Variants in ANKRD30B observed in about 807,000 individuals in gnomAD.
ANKRD30B encodes the protein ankyrin repeat domain 30B.
Under a neutral mutation model 202.2 loss-of-function variants are expected in ANKRD30B, and 144 were observed. The ratio of observed to expected loss-of-function variants is 0.71; its 90% CI spans 0.62 to 0.82. ANKRD30B has a LOEUF of 0.82. ANKRD30B is among the 40% of genes least tolerant of loss of function. The pLI is 0.00. For missense variants in ANKRD30B, 1,487 were observed against 1,669.1 expected, an observed-to-expected ratio of 0.89 and a Z score of 1.90; for synonymous variants, 508 against 561.3, an observed-to-expected ratio of 0.91 and a Z score of 1.34.
intron 32 of ANKRD30B, among the ~76,000 whole-genome samples, chr18:14,827,650 C>T (rs529718895): frequency 6.6e-6 from 1 of 152,256 alleles, no homozygotes; most frequent in Non-Finnish European, 1.5e-5. Flanking sequence ...TTTCTTTCTA[C>T]ACATACAGCA....
At chr18:14,923,795 C>T in the ANKRD30B span, among the ~76,000 whole-genome samples, 1 of 152,304 alleles carries the variant, frequency 6.6e-6, no homozygotes, top group South Asian at 2.1e-4. Flanking sequence ...GTTCTCTTTC[C>T]TTACTTTCTT....
rs942096414 is a variant in ANKRD30B at position 14,783,269 on chromosome 18, A to G, written c.1570+655A>G. 4.9e-4 allele frequency among the ~76,000 whole-genome samples: 74 copies of G among 152,176 alleles called. 3 individuals carry two copies. The highest frequency in any genetic ancestry group is 1.5e-4 in the Non-Finnish European group (10 of 67,990). On this transcript the variant is annotated intron_variant, in intron 12 of 43. Transcript: ENST00000690538. The stretch of plus-strand genomic sequence containing the variant: ...AAAATCAGCTGAATACCTTGGTAAT[A>G]CACAGTATCATTCAGCACAATTGAG...
At chr18:14,837,325 G>T (rs1422940243) in intron 35 of ANKRD30B, 36 bp downstream of exon 35, 1 of 1,475,034 alleles carries the variant, frequency 6.8e-7, no homozygotes, top group Admixed American at 2.1e-5. Flanking sequence ...CAAAATAATA[G>T]AAATGGTAAA....
At chr18:14,768,811 C>T (rs754992682) in intron 7 of ANKRD30B, among the ~76,000 whole-genome samples, 28 of 152,204 alleles carry the variant, frequency 1.8e-4, no homozygotes, top group Non-Finnish European at 3.8e-4. Context: ...ACACTGTCCA[C>T]TTACACTAAT....
intron 7 of ANKRD30B, among the ~76,000 whole-genome samples, chr18:14,768,770 A>AT (rs1916647280): frequency 6.6e-6 from 1 of 152,080 alleles, no homozygotes; most frequent in East Asian, 1.9e-4. Flanking sequence ...CTCTTAGTTC[A>AT]TTTTTCTAGA....
intron 39 of ANKRD30B, among the ~76,000 whole-genome samples, chr18:14,843,859 T>A (rs1022068786): frequency 3.9e-5 from 6 of 152,184 alleles, no homozygotes; most frequent in Admixed American, 6.5e-5. Flanking sequence ...TTCTTTATGA[T>A]CATTTTGGTA....
At chr18:14,912,789 T>G in the ANKRD30B span, among the ~76,000 whole-genome samples, 1 of 152,236 alleles carries the variant, frequency 6.6e-6, no homozygotes, top group Non-Finnish European at 1.5e-5. Flanking sequence ...TTCCATAAAA[T>G]TACTCATCAT....
chr18:14,940,085 C>T, the ANKRD30B span, among the ~76,000 whole-genome samples: 3 of 152,148 alleles, frequency 2.0e-5, no homozygotes, highest in South Asian at 2.1e-4. Flanking sequence ...GCAGAATCAC[C>T]GATGGATTTT....
chr18:14,754,021 A>C (rs529422371), intron 3 of ANKRD30B, among the ~76,000 whole-genome samples: 1 of 152,300 alleles, frequency 6.6e-6, no homozygotes, highest in African/African-American at 2.4e-5. Flanking sequence ...GATTATCATT[A>C]TAATTGAGAA....
At chr18:14,861,345 AAAG>A in the ANKRD30B span, among the ~76,000 whole-genome samples, 1 of 152,232 alleles carries the variant, frequency 6.6e-6, no homozygotes, top group African/African-American at 2.4e-5. Context: ...TGGATAAAAA[AAAG>A]AAGACACTTC....
chr18:14,821,419 T>A (rs143974136), intron 30 of ANKRD30B, among the ~76,000 whole-genome samples: 1,756 of 152,194 alleles, frequency 0.012, 40 homozygotes, highest in African/African-American at 0.04. Flanking sequence ...TTGAATGTGT[T>A]TGTTCTTGCT....
chr18:14,754,980 G>GCAAATT lies in ANKRD30B; in HGVS notation c.596_597insTTCAAA (p.Asn199_Ala200insSerAsn), dbSNP rs1450535401. 5 of 1,540,402 alleles carry GCAAATT rather than the reference G, an allele frequency of 3.2e-6. No homozygotes were observed. In the Admixed American group the frequency reaches 6.2e-5, roughly 19 times the overall value. ...ATTTTTACTAACAAAAAATGCAAAT[G>GCAAATT]CAAACGCATTTAATGAGTCTAAATG... On this transcript the variant is annotated inframe_insertion, in exon 4 of 44. Coordinates refer to ENST00000690538, the MANE Select transcript of ANKRD30B (RefSeq NM_001367607.2).
intron 15 of ANKRD30B, 64 bp downstream of exon 15, chr18:14,787,164 T>G (rs557881998): frequency 3.5e-6 from 5 of 1,430,568 alleles, no homozygotes; most frequent in East Asian, 4.7e-5. Flanking sequence ...TAAAATCAGA[T>G]GCTTAGACTT....
intron 15 of ANKRD30B, among the ~76,000 whole-genome samples, chr18:14,790,912 A>T (rs1364687518): frequency 1.3e-5 from 2 of 152,074 alleles, no homozygotes; most frequent in Non-Finnish European, 2.9e-5. Context: ...TCATAAAATG[A>T]GTTAGGGAGG....
chr18:14,839,150 T>A (rs1971301952), intron 36 of ANKRD30B, among the ~76,000 whole-genome samples: 1 of 152,206 alleles, frequency 6.6e-6, no homozygotes, highest in Admixed American at 6.5e-5. Flanking sequence ...ATATCCAAGA[T>A]GAAAGATTAT....
At chr18:14,939,727 G>T in the ANKRD30B span, among the ~76,000 whole-genome samples, 8 of 152,198 alleles carry the variant, frequency 5.3e-5, no homozygotes, top group Non-Finnish European at 1.2e-4. Flanking sequence ...TCACAAAATT[G>T]TCAGTGATCA....
chr18:14,775,882 C>T lies in ANKRD30B; in HGVS notation c.1330-2103C>T, dbSNP rs550110399. On this transcript the variant is annotated intron_variant, in intron 9 of 43. Transcript: ENST00000690538. ...CTTGGAAAAAATCAATTAACTTAACCAAATGCAACTAACTTGGTTTATAAA... is the reference window on the plus strand; with the variant it reads ...CTTGGAAAAAATCAATTAACTTAACTAAATGCAACTAACTTGGTTTATAAA... Among the ~76,000 whole-genome samples, 3 of 152,296 alleles carry T rather than the reference C, an allele frequency of 2.0e-5. No homozygotes were observed. In the South Asian group the frequency reaches 6.2e-4, roughly 32 times the overall value.
intron 11 of ANKRD30B, among the ~76,000 whole-genome samples, chr18:14,781,624 C>T (rs892725306): frequency 8.1e-5 from 2 of 24,780 alleles, no homozygotes; most frequent in African/African-American, 1.3e-4. Context: ...CAGCACTCCT[C>T]TCCAGGAGGC....
In ANKRD30B at chr18:14,852,981, T is replaced by A. The variant is rs185184992; in HGVS notation, c.4476+561T>A. On this transcript the variant is annotated intron_variant, in intron 42 of 43. Coordinates refer to ENST00000690538, the MANE Select transcript of ANKRD30B (RefSeq NM_001367607.2). ...TCAATTTGACTTAATCTGAACATAT[T>A]TGAATCTGAAATTATGTATTGTTAA... 1.7e-3 allele frequency among the ~76,000 whole-genome samples: 263 copies of A among 152,296 alleles called. 1 individual carries two copies. The highest frequency in any genetic ancestry group is 5.9e-3 in the African/African-American group (244 of 41,578).
Sources: allele counts gnomAD v4.1 joint callset (sites outside exome capture counted in the v4.1 genomes callset), GRCh38; gene constraint gnomAD v4.1.1; transcripts MANE v1.5; gene names NCBI Gene and HGNC (gene_info 2026-07-23, HGNC 2026-07-21).